Variants in PTDSS2 observed in about 807,000 individuals in gnomAD.
PTDSS2 encodes PSS-2.
Under a neutral mutation model 64.7 loss-of-function variants are expected in PTDSS2, and 41 were observed. The ratio of observed to expected loss-of-function variants is 0.63; its 90% confidence interval spans 0.49 to 0.82. The LOEUF (loss-of-function observed/expected upper bound fraction) is 0.82. Ranked by LOEUF, PTDSS2 falls within the 40% of genes least tolerant of loss-of-function variation. The pLI is 0.00. For synonymous variants in PTDSS2, 297 were observed against 277.8 expected (o/e 1.07, Z -0.69); for missense variants, 485 against 650.0 (o/e 0.75, Z 2.76).
chr11:476,957 T>C lies in PTDSS2; in HGVS notation c.368-2128T>C, dbSNP rs3888797. Reference sequence around the variant, plus strand: ...TGGGGGCCGGCAGGGAGCCCTCAACTCTCTGCAGTCACAACACATTGAAGT... The same window carrying C: ...TGGGGGCCGGCAGGGAGCCCTCAACCCTCTGCAGTCACAACACATTGAAGT... On this transcript the variant is annotated intron_variant, in intron 3 of 11. Transcript: ENST00000308020. This position sits in a 1 kb window ranked among gnomAD's most constrained non-coding sequence, Gnocchi z 4.9. Among the ~76,000 whole-genome samples the C allele has an allele frequency of 0.36, 54,194 of 151,934 alleles. 10,108 individuals are homozygous for C. The highest frequency in any genetic ancestry group is 0.47 in the African/African-American group (19,573 of 41,418).
Position 458,507 on chromosome 11 carries a change from ATT to A in PTDSS2, c.183-1658_183-1657del, listed in dbSNP as rs3082636. 5.1e-3 allele frequency among the ~76,000 whole-genome samples: 477 copies of A among 93,894 alleles called. 2 individuals are homozygous for A. The highest frequency in any genetic ancestry group is 0.019 in the African/African-American group (416 of 22,484). 61.6% of individuals were successfully genotyped at this position (93,894 alleles called of 152,430 possible). ...GGCGTGAGCCACCGCGCCTGGCCTG[ATT>A]TTTTTTTTTTTTTTTTTTTTTGAGA... On this transcript the variant is annotated intron_variant, in intron 1 of 11. Coordinates refer to ENST00000308020, the MANE Select transcript of PTDSS2 (RefSeq NM_030783.3).
intron 1 of PTDSS2, chr11:459,183 C>G (rs112409530): frequency 1.4e-4 from 5 of 36,164 alleles, no homozygotes; most frequent in African/African-American, 8.0e-4. Context: ...AGGACACACT[C>G]CGGTGGATGT....
chr11:456,924 C>T (rs556002611), intron 1 of PTDSS2, among the ~76,000 whole-genome samples: 1 of 152,298 alleles, frequency 6.6e-6, no homozygotes, highest in South Asian at 2.1e-4. Flanking sequence ...TTATTTACCT[C>T]TGGTTGTCTT....
chr11:477,458 G>A (rs1187235676), intron 3 of PTDSS2, among the ~76,000 whole-genome samples: 2 of 152,194 alleles, frequency 1.3e-5, no homozygotes, highest in Non-Finnish European at 2.9e-5. Flanking sequence ...TCCGGGAAGC[G>A]ACCCAGGAAT....
intron 1 of PTDSS2, among the ~76,000 whole-genome samples, chr11:453,605 C>T (rs976062871): frequency 6.6e-6 from 1 of 152,214 alleles, no homozygotes; most frequent in Non-Finnish European, 1.5e-5. Flanking sequence ...TCGGGGCTTT[C>T]CCAGCTTTGC....
chr11:477,810 CCTCAAA>C (rs1037143545), intron 3 of PTDSS2, among the ~76,000 whole-genome samples: 1 of 152,220 alleles, frequency 6.6e-6, no homozygotes, highest in African/African-American at 2.4e-5. Context: ...ACCACGAGCC[CCTCAAA>C]CTCTTGGGCC....
At chr11:473,368 C>T (rs546091647) in intron 2 of PTDSS2, among the ~76,000 whole-genome samples, 2 of 152,320 alleles carry the variant, frequency 1.3e-5, no homozygotes, top group East Asian at 1.9e-4. Context: ...GGTCCTGCCG[C>T]GTTGGAGCAG....
rs1247436529 is a variant in PTDSS2 at position 490,622 on chromosome 11, G to A, written c.*40G>A. On this transcript the variant is annotated 3_prime_UTR_variant, in exon 12 of 12. Transcript: ENST00000308020. ...GCCTCGTGAGCCTCCCAGAGCCCAG[G>A]CCTCCGTGGCCTCCTCCTGTGTGAG... 3 of 1,526,794 alleles carry A rather than the reference G, an allele frequency of 2.0e-6. No individual in the cohort carries two copies. The highest frequency in any genetic ancestry group is 2.6e-6 in the Non-Finnish European group (3 of 1,132,402). The allele number at this position is 1,526,794 out of a possible 1,614,324, so 94.6% of individuals were successfully genotyped here.
chr11:479,367 G>C lies in PTDSS2; in HGVS notation c.435+215G>C. On this transcript the variant is annotated intron_variant, in intron 4 of 11. Transcript: ENST00000308020. This position sits in a 1 kb window ranked among gnomAD's most constrained non-coding sequence, Gnocchi z 4.2. ...AGCAAAGCTAGACCTTCAAAACGTA[G>C]GCCGAGCTGCGGGGGGCCTCCAGGA... 1 of 607,870 alleles carries C rather than the reference G, an allele frequency of 1.6e-6. No individual in the cohort carries two copies. Among genetic ancestry groups the C allele is most frequent in the Non-Finnish European group, 2.9e-6 (1 of 342,278 alleles). The allele number at this position is 607,870 out of a possible 1,614,324, so 37.7% of individuals were successfully genotyped here.
At chr11:463,423 C>T (rs1048317879) in intron 2 of PTDSS2, 20 of 150,000 alleles carry the variant, frequency 1.3e-4, no homozygotes, top group African/African-American at 4.6e-4. Flanking sequence ...GACGGGGTTT[C>T]ACCGTGTTAG....
chr11:460,897 G>A lies in PTDSS2; in HGVS notation c.284+609G>A, dbSNP rs2133770253. ...CCTGTGAATCAGTCTTGAGTTTTCT[G>A]TGCCTGACTCTCCTCTCGCGTTGCT... On this transcript the variant is annotated intron_variant, in intron 2 of 11. Coordinates refer to ENST00000308020, the MANE Select transcript of PTDSS2 (RefSeq NM_030783.3). This position sits in a 1 kb window ranked among gnomAD's most constrained non-coding sequence, Gnocchi z 5.8. 6.5e-6 allele frequency: 1 copy of A among 152,690 alleles called. No individual in the cohort carries two copies. Among genetic ancestry groups the A allele is most frequent in the Non-Finnish European group, 1.5e-5 (1 of 68,282 alleles). The allele number at this position is 152,690 out of a possible 1,614,324, so 9.5% of individuals were successfully genotyped here.
At position 461,276 on chromosome 11, in the gene PTDSS2, G is replaced by A. The variant is rs913266333; in HGVS notation, c.284+988G>A. ...GGTGTGAACGTCATCACGCTTGCACGGGCGTTGGTGGCCCTGTTTGCCCAC... is the reference window on the plus strand; with the variant it reads ...GGTGTGAACGTCATCACGCTTGCACAGGCGTTGGTGGCCCTGTTTGCCCAC... On this transcript the variant is annotated intron_variant, in intron 2 of 11. Coordinates refer to ENST00000308020, the MANE Select transcript of PTDSS2 (RefSeq NM_030783.3). This position sits in a 1 kb window ranked among gnomAD's most constrained non-coding sequence, Gnocchi z 4.2. Among the ~76,000 whole-genome samples, 2 of 152,202 alleles carry A rather than the reference G, an allele frequency of 1.3e-5. No individual in the cohort carries two copies. Among genetic ancestry groups the A allele is most frequent in the African/African-American group, 2.4e-5 (1 of 41,436 alleles).
chr11:467,316 C>CGCCACTGCAT lies in PTDSS2; in HGVS notation c.285-6578_285-6569dup, dbSNP rs555056559. 5.9e-5 allele frequency among the ~76,000 whole-genome samples: 9 copies of CGCCACTGCAT among 152,270 alleles called. No homozygotes were observed. In the South Asian group the frequency reaches 1.9e-3, roughly 32 times the overall value. On this transcript the variant is annotated intron_variant, in intron 2 of 11. Transcript: ENST00000308020. Reference sequence around the variant, plus strand: ...CCTTCAGGAACTGGAAACAGGGAGACGCCACTGCATACCCGACGGAGCAGC... The same window carrying CGCCACTGCAT: ...CCTTCAGGAACTGGAAACAGGGAGACGCCACTGCATGCCACTGCATACCCGACGGAGCAGC...
At position 450,333 on chromosome 11, in the gene PTDSS2, C is replaced by G. The variant is rs1004490761; in HGVS notation, c.-123C>G. The G allele has an allele frequency of 6.5e-5, 57 of 877,620 alleles. No individual in the cohort carries two copies. The highest frequency in any genetic ancestry group is 8.9e-5 in the Admixed American group (2 of 22,464). The allele number at this position is 877,620 out of a possible 1,614,324, so 54.4% of individuals were successfully genotyped here. A position where few individuals can be genotyped will look rare whatever the true frequency, so the allele number is the denominator to read the frequency against. On this transcript the variant is annotated 5_prime_UTR_variant, in exon 1 of 12. Transcript: ENST00000308020. The stretch of plus-strand genomic sequence containing the variant: ...GCCCCGCGCTGCTCTCCTAAGACCC[C>G]GCGGGCCAGCGCCGCGACCCCTTCC...
At position 490,557 on chromosome 11, in the gene PTDSS2, G is replaced by A; in HGVS notation, c.1439G>A (p.Gly480Asp). The A allele has an allele frequency of 3.1e-6, 5 of 1,605,724 alleles. No homozygotes were observed. Among genetic ancestry groups the A allele is most frequent in the Non-Finnish European group, 3.4e-6 (4 of 1,176,766 alleles). ...CTGCTGGGGCCTGGGGTGGCCGAGG[G>A]CGAGGGAGCACCAACTCCAAACTGA... ...EDLLGPGVAEGEGAPTPN is the reference protein window; with the variant it reads ...EDLLGPGVAEDEGAPTPN Residue 480 changes from glycine (G) to aspartate (D), a missense_variant, in exon 12 of 12, where the codon GGC becomes GAC. Transcript: ENST00000308020.
intron 2 of PTDSS2, among the ~76,000 whole-genome samples, chr11:472,054 G>C (rs1847485959): frequency 6.9e-6 from 1 of 145,030 alleles, no homozygotes; most frequent in Non-Finnish European, 1.5e-5. Flanking sequence ...GCGGATGGTG[G>C]CCTGGGGTAA....
In PTDSS2 at chr11:473,345, G is replaced by T. The variant is rs116376378; in HGVS notation, c.285-550G>T. Among the ~76,000 whole-genome samples the T allele has an allele frequency of 4.8e-4, 73 of 152,370 alleles. 1 individual carries two copies. The highest frequency in any genetic ancestry group is 1.0e-3 in the South Asian group (5 of 4,828). The stretch of plus-strand genomic sequence containing the variant: ...CAAAAAGACACAGGAGCTCTCTAGA[G>T]ACACTTCCTGGGGGTCCTGCCGCGT... On this transcript the variant is annotated intron_variant, in intron 2 of 11. Coordinates refer to ENST00000308020, the MANE Select transcript of PTDSS2 (RefSeq NM_030783.3).
At chr11:455,735 C>A (rs1390651149) in intron 1 of PTDSS2, among the ~76,000 whole-genome samples, 1 of 152,276 alleles carries the variant, frequency 6.6e-6, no homozygotes, top group Non-Finnish European at 1.5e-5. Flanking sequence ...CGTGGTTTTA[C>A]TGGGACCTGG....
At chr11:465,756 C>T (rs1030804698) in intron 2 of PTDSS2, among the ~76,000 whole-genome samples, 3 of 150,474 alleles carry the variant, frequency 2.0e-5, no homozygotes, top group Non-Finnish European at 4.4e-5. Context: ...GAGGACCACC[C>T]CCCCCCCATC....
Sources: allele counts gnomAD v4.1 joint callset (sites outside exome capture counted in the v4.1 genomes callset), GRCh38; gene constraint gnomAD v4.1.1; non-coding constraint Gnocchi (gnomAD v3.1); transcripts MANE v1.5; gene names NCBI Gene and HGNC (gene_info 2026-07-23, HGNC 2026-07-21).